Variants in UCHL5 observed in about 807,000 individuals in gnomAD.
The protein encoded by UCHL5 is ubiquitin C-terminal hydrolase L5.
UCHL5 carries 34 observed loss-of-function variants against 53.8 expected under a neutral mutation model. That is an observed-to-expected ratio of 0.63 (90% CI 0.48 to 0.84). UCHL5 has a LOEUF of 0.84. UCHL5 is among the 40% of genes least tolerant of loss of function. The pLI is 0.00. For missense variants in UCHL5, 290 were observed against 385.6 expected (o/e 0.75, Z 2.08); for synonymous variants, 111 against 126.3 (o/e 0.88, Z 0.81).
chr1:193,051,713 T>C, intron 2 of UCHL5, 41 bp downstream of exon 2: 2 of 1,128,710 alleles, frequency 1.8e-6, no homozygotes, highest in South Asian at 1.6e-5. Context: ...TTTGTTAAAG[T>C]ATATATATAT....
At chr1:193,045,308 C>T (rs1445448704) in intron 3 of UCHL5, among the ~76,000 whole-genome samples, 2 of 152,192 alleles carry the variant, frequency 1.3e-5, no homozygotes, top group East Asian at 3.9e-4. Context: ...TTTGTCCCTG[C>T]CCAAACCTCA....
chr1:193,028,156 GAAATTTT>G lies in UCHL5; in HGVS notation c.566-15_566-9del, dbSNP rs1660042415. On this transcript the variant is annotated splice_polypyrimidine_tract_variant and intron_variant, in intron 6 of 10. Coordinates refer to ENST00000367454, the MANE Select transcript of UCHL5 (RefSeq NM_001199261.3). ...CATCTTGATTGCATGCACCTAGAAA[GAAATTTT>G]AAAACAGTTAACACAAATAAAAATA... The G allele has an allele frequency of 6.3e-7, 1 of 1,580,674 alleles. No homozygotes were observed. Among genetic ancestry groups the G allele is most frequent in the African/African-American group, 1.4e-5 (1 of 73,136 alleles).
intron 3 of UCHL5, among the ~76,000 whole-genome samples, chr1:193,035,679 T>A (rs1663100558): frequency 6.6e-6 from 1 of 151,906 alleles, no homozygotes; most frequent in Non-Finnish European, 1.5e-5. Context: ...TAAAAGTAAA[T>A]ACACAAAGAA....
At chr1:193,048,203 A>G (rs148257798) in intron 3 of UCHL5, among the ~76,000 whole-genome samples, 1 of 152,338 alleles carries the variant, frequency 6.6e-6, no homozygotes, top group African/African-American at 2.4e-5. Context: ...TATCTGGCAC[A>G]TATTTTCTTA....
chr1:193,050,506 G>A (rs1316144550), intron 2 of UCHL5, among the ~76,000 whole-genome samples: 1 of 152,112 alleles, frequency 6.6e-6, no homozygotes, highest in East Asian at 1.9e-4. Flanking sequence ...GCTAAGGTAG[G>A]TAGATTACTT....
At chr1:193,043,574 T>G (rs974575999) in intron 3 of UCHL5, among the ~76,000 whole-genome samples, 2 of 152,218 alleles carry the variant, frequency 1.3e-5, no homozygotes, top group African/African-American at 4.8e-5. Flanking sequence ...AGTCCTTGAA[T>G]GCCTAAGAGT....
chr1:193,056,390 C>T (rs1253213831), intron 1 of UCHL5, among the ~76,000 whole-genome samples: 1 of 152,000 alleles, frequency 6.6e-6, no homozygotes, highest in African/African-American at 2.4e-5. Flanking sequence ...TATTTCCTGT[C>T]ATCTGCTTAC....
At chr1:193,042,106 C>A (rs1357990388) in intron 3 of UCHL5, among the ~76,000 whole-genome samples, 13 of 136,828 alleles carry the variant, frequency 9.5e-5, no homozygotes, top group African/African-American at 1.9e-4. Flanking sequence ...ATCCTGTCTC[C>A]AAAAAAAGAA....
At chr1:193,034,436 T>C (rs562559729) in intron 3 of UCHL5, among the ~76,000 whole-genome samples, 1 of 152,158 alleles carries the variant, frequency 6.6e-6, no homozygotes, top group South Asian at 2.1e-4. Context: ...CCTTAACTAC[T>C]GAAATGAAGC....
At position 193,016,081 on chromosome 1, in the gene UCHL5, C is replaced by T. The variant is rs1211233030; in HGVS notation, c.*270G>A. On this transcript the variant is annotated 3_prime_UTR_variant, in exon 11 of 11. Transcript: ENST00000367454. ...TTTCTAGCTTCATATGGTAGTTAGA[C>T]AACCAGAAAACTAACAGTTGTCAGA... 10 of 379,526 alleles carry T rather than the reference C, an allele frequency of 2.6e-5. No individual in the cohort carries two copies. The highest frequency in any genetic ancestry group is 1.1e-4 in the African/African-American group (5 of 47,440). The allele number at this position is 379,526 out of a possible 1,614,324, so 23.5% of individuals were successfully genotyped here. A position where few individuals can be genotyped will look rare whatever the true frequency, so the allele number is the denominator to read the frequency against.
At chr1:193,059,653 G>A (rs746210569), upstream of UCHL5, 8 of 1,384,586 alleles carry the variant, frequency 5.8e-6, no homozygotes, top group Admixed American at 5.8e-5. This position sits in a 1 kb window ranked among gnomAD's most constrained non-coding sequence, Gnocchi z 4.9. Flanking sequence ...CGGCGGCAGT[G>A]GGGCTGTTGC....
chr1:193,028,247 T>A, intron 6 of UCHL5, 99 bp from the exon 7 acceptor site: 3 of 1,071,788 alleles, frequency 2.8e-6, no homozygotes, highest in Non-Finnish European at 3.9e-6. Flanking sequence ...ACAAATATTT[T>A]AATAAATTTA....
At chr1:193,054,060 G>A (rs1425666216) in intron 1 of UCHL5, among the ~76,000 whole-genome samples, 1 of 151,164 alleles carries the variant, frequency 6.6e-6, no homozygotes, top group Non-Finnish European at 1.5e-5. Context: ...AATGAACTAG[G>A]TCTTTTAAAA....
At chr1:193,033,437 C>T (rs1028627521) in intron 3 of UCHL5, among the ~76,000 whole-genome samples, 2 of 151,728 alleles carry the variant, frequency 1.3e-5, no homozygotes, top group Admixed American at 1.3e-4. Context: ...GACGATGGGT[C>T]GATCAGTGCA....
At chr1:193,028,643 TA>T (rs1245144828) in intron 6 of UCHL5, among the ~76,000 whole-genome samples, 1 of 152,210 alleles carries the variant, frequency 6.6e-6, no homozygotes. Context: ...TCAACTTTGA[TA>T]AGTGTTTATC....
At chr1:193,032,032 C>A (rs920975988) in intron 3 of UCHL5, among the ~76,000 whole-genome samples, 1 of 152,110 alleles carries the variant, frequency 6.6e-6, no homozygotes, top group African/African-American at 2.4e-5. Context: ...TGAATTCCTA[C>A]GCCAGGGTAT....
In UCHL5 at chr1:193,023,841, A is replaced by G. The variant is rs1300471407; in HGVS notation, c.732+3T>C. 1 of 1,609,620 alleles carries G rather than the reference A, an allele frequency of 6.2e-7. No individual in the cohort carries two copies. Among genetic ancestry groups the G allele is most frequent in the South Asian group, 1.1e-5 (1 of 90,424 alleles). On this transcript the variant is annotated splice_donor_region_variant and intron_variant, in intron 8 of 10. Coordinates refer to ENST00000367454, the MANE Select transcript of UCHL5 (RefSeq NM_001199261.3). ...CTTTGTACTTAGAAACATGGCCACG[A>G]ACCTCTGCAAGTTGTCTTTGTAACT...
At chr1:193,020,565 T>C (rs1656616597) in intron 10 of UCHL5, 3 of 1,194,012 alleles carry the variant, frequency 2.5e-6, no homozygotes, top group Admixed American at 3.9e-5. Flanking sequence ...GCATTTTACT[T>C]ATTCAACAAA....
intron 3 of UCHL5, among the ~76,000 whole-genome samples, chr1:193,043,151 T>TAAAAAAAAAAAAAAAAAAAAA (rs200951342): frequency 2.2e-4 from 8 of 36,374 alleles, no homozygotes; most frequent in African/African-American, 6.6e-4. Context: ...TCTTGAATAT[T>TAAAAAAAAAAAAAAAAAAAAA]AAAAAAAAAA....
Sources: gnomAD v4.1 joint callset for allele counts (sites outside exome capture counted in the v4.1 genomes callset) on GRCh38, gnomAD v4.1.1 for gene constraint, Gnocchi (gnomAD v3.1) non-coding constraint, MANE v1.5 for transcripts, NCBI Gene and HGNC (gene_info 2026-07-23, HGNC 2026-07-21) for gene names.